The following DNAH10 variants were observed in gnomAD, a reference collection of about 807,000 sequenced individuals.
DNAH10 encodes axonemal beta dynein heavy chain 10.
In DNAH10, 348 loss-of-function variants were observed where a neutral mutation model predicts 506.6. The observed-to-expected ratio is 0.69, with a 90% CI of 0.63 to 0.75. The LOEUF is 0.75. Ranked by LOEUF, DNAH10 falls within the 30% of genes least tolerant of loss-of-function variation. DNAH10 has a pLI of 0.00. For synonymous variants in DNAH10, 2,059 were observed against 2,198.6 expected (o/e 0.94, Z 1.78); for missense variants, 5,179 against 5,787.1 (o/e 0.89, Z 3.41).
intron 64 of DNAH10, 145 bp from the exon 65 acceptor site, chr12:123,918,531 T>G (rs1954586138): frequency 2.2e-6 from 2 of 928,004 alleles, no homozygotes; most frequent in Non-Finnish European, 3.0e-6. Flanking sequence ...TACAAGAGGG[T>G]GGGTGCCCTC....
intron 5 of DNAH10, among the ~76,000 whole-genome samples, chr12:123,775,641 G>A (rs779229155): frequency 7.2e-5 from 11 of 152,210 alleles, no homozygotes; most frequent in Non-Finnish European, 1.2e-4. Flanking sequence ...CCAGTAGCAG[G>A]AGGATGGCCA....
At chr12:123,786,609 T>C (rs1957861983) in intron 9 of DNAH10, among the ~76,000 whole-genome samples, 1 of 101,988 alleles carries the variant, frequency 9.8e-6, no homozygotes, top group Admixed American at 1.1e-4. Context: ...CAGTGCTTCA[T>C]TCCTTTTTAT....
chr12:123,864,616 T>C lies in DNAH10; in HGVS notation c.6930T>C (p.Asp2310=), dbSNP rs1279975733. The change falls in exon 40 of 79, where the codon GAT becomes GAC. Residue 2310 remains aspartate (D), a synonymous_variant. Transcript: ENST00000673944. ...KERKYILFDG[D]VDALWVENMN... Reference sequence around the variant, plus strand: ...GCAGGTATATTTTATTTGATGGTGATGTGGATGCTCTATGGGTGGAAAACA... The same window carrying C: ...GCAGGTATATTTTATTTGATGGTGACGTGGATGCTCTATGGGTGGAAAACA... The C allele has an allele frequency of 1.9e-6, 3 of 1,613,944 alleles. No individual in the cohort carries two copies. Among genetic ancestry groups the C allele is most frequent in the Non-Finnish European group, 2.5e-6 (3 of 1,179,864 alleles).
chr12:123,787,628 C>T lies in DNAH10; in HGVS notation c.1422-176C>T, dbSNP rs1041116304. On this transcript the variant is annotated intron_variant, in intron 9 of 78. Transcript: ENST00000673944. The surrounding 1 kb of genome is among the most constrained non-coding windows in gnomAD (Gnocchi z 4.6). ...GAAACCTCGCAGCTTGGGACTCCCG[C>T]CCTTGCACATGGGACAGGGCAGCCG... Among the ~76,000 whole-genome samples, 3 of 152,264 alleles carry T rather than the reference C, an allele frequency of 2.0e-5. No homozygotes were observed. The highest frequency in any genetic ancestry group is 2.9e-5 in the Non-Finnish European group (2 of 68,046).
chr12:123,932,982 C>T (rs111997160), intron 76 of DNAH10, among the ~76,000 whole-genome samples: 1 of 152,292 alleles, frequency 6.6e-6, no homozygotes, highest in Admixed American at 6.5e-5. Flanking sequence ...ACTTTGCTTA[C>T]GGTATTTTTT....
intron 65 of DNAH10, chr12:123,923,114 G>T (rs1954799684): frequency 6.6e-6 from 1 of 152,096 alleles, no homozygotes; most frequent in Non-Finnish European, 1.5e-5. Context: ...AAGAACGCTG[G>T]TATTTTGCAT....
intron 72 of DNAH10, 25 bp from the exon 73 acceptor site, chr12:123,930,377 T>C (rs2137708450): frequency 6.6e-7 from 1 of 1,512,288 alleles, no homozygotes; most frequent in East Asian, 2.4e-5. Context: ...AGCTCCTGGC[T>C]GGCTCTCAGG....
intron 1 of DNAH10, among the ~76,000 whole-genome samples, chr12:123,764,405 A>G (rs74934642): frequency 0.051 from 7,771 of 152,152 alleles, 557 homozygotes; most frequent in African/African-American, 0.15. Context: ...CATTGGCACC[A>G]AGTGAAATTA....
chr12:123,813,072 C>T, intron 19 of DNAH10, 92 bp from the exon 20 acceptor site: 2 of 846,452 alleles, frequency 2.4e-6, no homozygotes, highest in Non-Finnish European at 3.7e-6. Context: ...TTTTCCATTA[C>T]TGGCAAGACT....
chr12:123,793,846 C>A, intron 11 of DNAH10, 96 bp from the exon 12 acceptor site: 1 of 1,020,632 alleles, frequency 9.8e-7, no homozygotes, highest in Non-Finnish European at 1.2e-6. Flanking sequence ...AGAAATCTGT[C>A]CCAAACCACT....
intron 10 of DNAH10, among the ~76,000 whole-genome samples, chr12:123,789,064 A>T (rs1374278211): frequency 6.6e-6 from 1 of 152,164 alleles, no homozygotes; most frequent in Non-Finnish European, 1.5e-5. Context: ...ACTGACCAAC[A>T]TGGTGAAACC....
In DNAH10 at chr12:123,775,357, C is replaced by T. The variant is rs375566381; in HGVS notation, c.621+1093C>T. ...CTCCTGGGCTCAAACAATCTGCCCG[C>T]CTTGGCCTCCCAAAGTGCTGTGATT... On this transcript the variant is annotated intron_variant, in intron 5 of 78. Coordinates refer to ENST00000673944, the MANE Select transcript of DNAH10 (RefSeq NM_001372106.1). Among the ~76,000 whole-genome samples the T allele has an allele frequency of 5.9e-5, 9 of 152,304 alleles. No individual in the cohort carries two copies. The East Asian group carries it at 1.4e-3, about 23-fold the overall frequency.
intron 6 of DNAH10, among the ~76,000 whole-genome samples, chr12:123,782,411 CTTTT>C (rs935250437): frequency 2.3e-4 from 20 of 86,068 alleles, no homozygotes; most frequent in African/African-American, 7.8e-4. Context: ...TTCTTTCTTT[CTTTT>C]TTTTTTTTTT....
At chr12:123,821,234 G>C (rs758493199) in intron 24 of DNAH10, among the ~76,000 whole-genome samples, 2 of 151,418 alleles carry the variant, frequency 1.3e-5, no homozygotes, top group Non-Finnish European at 2.9e-5. Context: ...TGGGCGACAA[G>C]AGCGAAACTC....
At chr12:123,843,738 C>G (rs1361614934) in intron 30 of DNAH10, among the ~76,000 whole-genome samples, 1 of 152,166 alleles carries the variant, frequency 6.6e-6, no homozygotes, top group Non-Finnish European at 1.5e-5. Flanking sequence ...TCACCACACC[C>G]GGCTAACTTT....
chr12:123,793,281 G>A (rs1958150208), intron 11 of DNAH10, among the ~76,000 whole-genome samples: 1 of 151,946 alleles, frequency 6.6e-6, no homozygotes, highest in Non-Finnish European at 1.5e-5. Flanking sequence ...GAACAAACAG[G>A]GACTCACTTG....
intron 2 of DNAH10, among the ~76,000 whole-genome samples, chr12:123,770,971 A>ACTTTTTTTT (rs1283951087): frequency 8.5e-6 from 1 of 117,888 alleles, no homozygotes; most frequent in Admixed American, 1.1e-4. Context: ...GCTAGCTGTA[A>ACTTTTTTTT]TTCTTTTTTT....
intron 72 of DNAH10, chr12:123,929,989 C>T: frequency 1.7e-6 from 1 of 600,886 alleles, no homozygotes; most frequent in Non-Finnish European, 2.9e-6. Context: ...CCAGGCAAGG[C>T]ATCCTCTAGC....
At position 123,785,785 on chromosome 12, in the gene DNAH10, A is replaced by G. The variant is rs758927807; in HGVS notation, c.1270A>G (p.Thr424Ala). Reference sequence around the variant, plus strand: ...GTCTGGCTTCCACGTGGTCCTGGACACCATCCCCGCCATGATGAGTGCCCT... The same window carrying G: ...GTCTGGCTTCCACGTGGTCCTGGACGCCATCCCCGCCATGATGAGTGCCCT... ...HGSGFHVVLD[T>A]IPAMMSALRM... Residue 424 changes from threonine to alanine, a missense_variant, in exon 9 of 79, where the codon ACC (threonine) becomes GCC (alanine). By Grantham distance (58) the Thr-to-Ala change is moderately conservative. Transcript: ENST00000673944. This position sits in a 1 kb window ranked among gnomAD's most constrained non-coding sequence, Gnocchi z 4.1. 1.9e-6 allele frequency: 3 copies of G among 1,613,880 alleles called. No homozygotes were observed. Among genetic ancestry groups the G allele is most frequent in the Admixed American group, 1.7e-5 (1 of 60,000 alleles).
Sources: allele counts gnomAD v4.1 joint callset (sites outside exome capture counted in the v4.1 genomes callset), GRCh38; gene constraint gnomAD v4.1.1; non-coding constraint Gnocchi (gnomAD v3.1); transcripts MANE v1.5; gene names NCBI Gene and HGNC (gene_info 2026-07-23, HGNC 2026-07-21).